Variants in DCT observed in about 807,000 individuals in gnomAD.
DCT encodes dopachrome tautomerase.
Under a neutral mutation model 53.0 loss-of-function variants are expected in DCT, and 47 were observed. The ratio of observed to expected loss-of-function variants is 0.89; its 90% CI spans 0.70 to 1.13. The LOEUF (loss-of-function observed/expected upper bound fraction) is 1.13. Among genes scored for constraint, DCT ranks in the 50% most tolerant of loss-of-function variants. DCT has a pLI of 0.00. For missense variants in DCT, 669 were observed against 637.4 expected, an observed-to-expected ratio of 1.05 and a Z score of -0.53; for synonymous variants, 244 against 237.0, an observed-to-expected ratio of 1.03 and a Z score of -0.27.
At chr13:94,474,975 A>T (rs1884980113) in intron 1 of DCT, among the ~76,000 whole-genome samples, 1 of 152,162 alleles carries the variant, frequency 6.6e-6, no homozygotes, top group African/African-American at 2.4e-5. Flanking sequence ...TTCCTTGAGA[A>T]ATTTTGGATC....
In DCT at chr13:94,466,675, A is replaced by C; in HGVS notation, c.596-17T>G. ...GTCCTGGTCCTGAAACAATTGGGAA[A>C]CATATTAGAGATGACAGAATAGAAT... On this transcript the variant is annotated splice_polypyrimidine_tract_variant and intron_variant, in intron 2 of 7. Coordinates refer to ENST00000377028, the MANE Select transcript of DCT (RefSeq NM_001922.5). 6.5e-7 allele frequency: 1 copy of C among 1,529,928 alleles called. No individual in the cohort carries two copies. Among genetic ancestry groups the C allele is most frequent in the East Asian group, 2.3e-5 (1 of 44,232 alleles). 94.8% of individuals were successfully genotyped at this position (1,529,928 alleles called of 1,614,324 possible). A position where few individuals can be genotyped will look rare whatever the true frequency, so the allele number is the denominator to read the frequency against.
At chr13:94,475,803 G>A (rs927373795) in intron 1 of DCT, among the ~76,000 whole-genome samples, 2 of 152,206 alleles carry the variant, frequency 1.3e-5, no homozygotes, top group African/African-American at 4.8e-5. Flanking sequence ...ACACCATATT[G>A]TGCACGTTAA....
chr13:94,459,911 G>C (rs1472677848), intron 6 of DCT, among the ~76,000 whole-genome samples, 180 bp downstream of exon 6: 1 of 152,220 alleles, frequency 6.6e-6, no homozygotes, highest in Non-Finnish European at 1.5e-5. Flanking sequence ...CATGGGTTCT[G>C]ATTAGGGCCT....
At chr13:94,529,577 G>GT in the DCT span, among the ~76,000 whole-genome samples, 1 of 152,168 alleles carries the variant, frequency 6.6e-6, no homozygotes, top group Non-Finnish European at 1.5e-5. Context: ...AAATAAAGAT[G>GT]TCCTTTGAAA....
chr13:94,498,150 G>T, the DCT span, among the ~76,000 whole-genome samples: 1 of 152,168 alleles, frequency 6.6e-6, no homozygotes, highest in Non-Finnish European at 1.5e-5. Context: ...GGTGTGTCAA[G>T]AATTGCATGT....
the DCT span, among the ~76,000 whole-genome samples, chr13:94,509,815 T>C: frequency 1.3e-5 from 2 of 152,158 alleles, no homozygotes; most frequent in African/African-American, 4.8e-5. Context: ...TATAAGTAAG[T>C]GCTCAAAAAT....
the DCT span, among the ~76,000 whole-genome samples, chr13:94,496,329 G>A: frequency 6.6e-6 from 1 of 152,014 alleles, no homozygotes; most frequent in South Asian, 2.1e-4. Flanking sequence ...AAATAGCTGG[G>A]ATTACAGCCA....
At chr13:94,535,613 G>A in the DCT span, among the ~76,000 whole-genome samples, 1 of 152,166 alleles carries the variant, frequency 6.6e-6, no homozygotes, top group South Asian at 2.1e-4. Flanking sequence ...AACCCATGAG[G>A]CCAAGCAAGA....
chr13:94,479,318 C>T lies in DCT; in HGVS notation c.-63G>A. ...TTCCTTGTCTCTGTCGTACTTTTCT[C>T]CTTATCTTCTACTCTTTCAGTCTTT... On this transcript the variant is annotated 5_prime_UTR_variant, in exon 1 of 8. Coordinates refer to ENST00000377028, the MANE Select transcript of DCT (RefSeq NM_001922.5). 1 of 1,350,938 alleles carries T rather than the reference C, an allele frequency of 7.4e-7. No homozygotes were observed. The highest frequency in any genetic ancestry group is 1.0e-6 in the Non-Finnish European group (1 of 999,618). 83.7% of individuals were successfully genotyped at this position (1,350,938 alleles called of 1,614,324 possible). A position where few individuals can be genotyped will look rare whatever the true frequency, so the allele number is the denominator to read the frequency against.
the DCT span, among the ~76,000 whole-genome samples, chr13:94,528,814 G>A: frequency 8.0e-6 from 1 of 124,460 alleles, no homozygotes; most frequent in Non-Finnish European, 1.6e-5. Flanking sequence ...ATGTAAATGG[G>A]CTAAAGCCCC....
the DCT span, among the ~76,000 whole-genome samples, chr13:94,494,425 A>G: frequency 3.9e-5 from 6 of 152,048 alleles, no homozygotes; most frequent in Non-Finnish European, 8.8e-5. Context: ...TTTCTCCTCT[A>G]TCTTCAGGGA....
the DCT span, among the ~76,000 whole-genome samples, chr13:94,500,704 C>A: frequency 1.3e-5 from 2 of 152,142 alleles, no homozygotes; most frequent in Non-Finnish European, 2.9e-5. Flanking sequence ...TGAATAATAT[C>A]CCATTGTGTA....
intron 7 of DCT, among the ~76,000 whole-genome samples, chr13:94,442,543 G>A (rs1882402648): frequency 6.6e-6 from 1 of 152,190 alleles, no homozygotes; most frequent in South Asian, 2.1e-4. Flanking sequence ...TAAATGGTGT[G>A]TGGAGCCATA....
At chr13:94,483,636 G>A (rs531339383), upstream of DCT, among the ~76,000 whole-genome samples, 94 of 152,072 alleles carry the variant, frequency 6.2e-4, 1 homozygote, top group Admixed American at 1.4e-3. Flanking sequence ...CGAGTACCTG[G>A]GACTACAGGC....
At chr13:94,476,381 T>A (rs561167161) in intron 1 of DCT, among the ~76,000 whole-genome samples, 3 of 151,146 alleles carry the variant, frequency 2.0e-5, no homozygotes, top group East Asian at 3.9e-4. Flanking sequence ...ACAAAAAGAG[T>A]TTATGGTTAT....
the DCT span, among the ~76,000 whole-genome samples, chr13:94,544,475 A>T: frequency 6.6e-6 from 1 of 152,198 alleles, no homozygotes; most frequent in South Asian, 2.1e-4. Context: ...ACTGGAATTT[A>T]CAGAGCTAAA....
At chr13:94,459,972 T>G (rs1415099002) in intron 6 of DCT, 119 bp downstream of exon 6, 3 of 1,103,856 alleles carry the variant, frequency 2.7e-6, no homozygotes, top group Non-Finnish European at 4.0e-6. Context: ...TAATTTACAT[T>G]TGCACACATC....
intron 1 of DCT, among the ~76,000 whole-genome samples, chr13:94,475,040 G>C (rs918453275): frequency 1.3e-5 from 2 of 152,156 alleles, no homozygotes; most frequent in East Asian, 3.9e-4. Context: ...GGCTACTGTA[G>C]AGGATGTTCT....
At chr13:94,446,310 A>G (rs1305837586) in intron 6 of DCT, among the ~76,000 whole-genome samples, 4 of 152,148 alleles carry the variant, frequency 2.6e-5, no homozygotes, top group Non-Finnish European at 5.9e-5. Flanking sequence ...CATCAGTACT[A>G]TTATTATTTT....
Sources: gnomAD v4.1 joint callset for allele counts (sites outside exome capture counted in the v4.1 genomes callset) on GRCh38, gnomAD v4.1.1 for gene constraint, MANE v1.5 for transcripts, NCBI Gene and HGNC (gene_info 2026-07-23, HGNC 2026-07-21) for gene names.